Variants in AKT1 observed in about 807,000 individuals in gnomAD.
AKT1 encodes the protein AKT serine/threonine kinase 1.
In AKT1, 21 loss-of-function variants were observed where a neutral mutation model predicts 63.1. The ratio of observed to expected loss-of-function variants is 0.33; its 90% CI spans 0.24 to 0.48. The LOEUF (loss-of-function observed/expected upper bound fraction) is 0.48. Ranked by LOEUF, AKT1 falls within the 20% of genes least tolerant of loss-of-function variation. The probability of loss-of-function intolerance (pLI) is 0.99; values close to 1 mark genes in which losing one functional copy is unlikely to be tolerated. For synonymous variants in AKT1, 257 were observed against 253.1 expected, an observed-to-expected ratio of 1.02 and a Z score of -0.15; for missense variants, 382 against 666.0, an observed-to-expected ratio of 0.57 and a Z score of 4.69.
At chr14:104,791,755 T>C (rs997339395) in intron 3 of AKT1, among the ~76,000 whole-genome samples, 6 of 152,200 alleles carry the variant, frequency 3.9e-5, no homozygotes, top group Non-Finnish European at 8.8e-5. Context: ...GGGGGGCTGC[T>C]GGCATGAGAT....
At chr14:104,778,442 G>C (rs1892852327) in intron 4 of AKT1, 2 of 152,260 alleles carry the variant, frequency 1.3e-5, no homozygotes, top group Admixed American at 1.3e-4. Context: ...ACTCTATCAG[G>C]CTGCCCTGCT....
chr14:104,774,568 A>C (rs1047175589), intron 8 of AKT1: 23 of 286,256 alleles, frequency 8.0e-5, no homozygotes, highest in East Asian at 4.1e-4. Flanking sequence ...CTTCACAGTA[A>C]ATACCTCCTG....
chr14:104,781,700 T>C (rs961699718), intron 3 of AKT1, among the ~76,000 whole-genome samples: 1 of 152,044 alleles, frequency 6.6e-6, no homozygotes, highest in African/African-American at 2.4e-5. Context: ...CCAGGGCTGC[T>C]GGGGGGATGC....
rs35635404 is a variant in AKT1 at position 104,780,344 on chromosome 14, G to A, written c.47-128C>T. ...TGCCTGAGTCCCAGGGGGCAGGCGC[G>A]GTACGGGAGCTGTTTCTTAGGGCCA... On this transcript the variant is annotated intron_variant, in intron 3 of 14. Coordinates refer to ENST00000649815, the MANE Select transcript of AKT1 (RefSeq NM_001382430.1). 0.021 allele frequency: 27,203 copies of A among 1,316,592 alleles called. 674 individuals carry two copies. The highest frequency in any genetic ancestry group is 0.12 in the African/African-American group (8,194 of 67,770). 81.6% of individuals were successfully genotyped at this position (1,316,592 alleles called of 1,614,324 possible).
At position 104,772,967 on chromosome 14, in the gene AKT1, G is replaced by A. The variant is rs1402373492; in HGVS notation, c.1083C>T (p.Ile361=). 1 of 1,614,124 alleles carries A rather than the reference G, an allele frequency of 6.2e-7. No individual in the cohort carries two copies. The highest frequency in any genetic ancestry group is 8.5e-7 in the Non-Finnish European group (1 of 1,180,016). ...NQDHEKLFEL[I]LMEEIRFPRT... is the part of the protein sequence containing the mutation. The stretch of plus-strand genomic sequence containing the variant: ...GCGGGAAGCGGATCTCCTCCATGAG[G>A]ATGAGCTCAAAAAGCTTCTCATGGT... The change falls in exon 12 of 15, where the codon ATC becomes ATT. Residue 361 remains isoleucine (I), a synonymous_variant. Coordinates refer to ENST00000649815, the MANE Select transcript of AKT1 (RefSeq NM_001382430.1).
At chr14:104,774,783 C>G (rs1892612537) in intron 8 of AKT1, 155 bp downstream of exon 8, 1 of 834,700 alleles carries the variant, frequency 1.2e-6, no homozygotes, top group African/African-American at 1.7e-5. Flanking sequence ...CCTCCACAGC[C>G]TGACCCTCCA....
intron 6 of AKT1, 81 bp from the exon 7 acceptor site, chr14:104,775,288 C>A: frequency 6.3e-7 from 1 of 1,592,294 alleles, no homozygotes; most frequent in Non-Finnish European, 8.5e-7. Flanking sequence ...GCATGAGGGG[C>A]CCCAGAGTCG....
chr14:104,778,320 G>C (rs1892845458), intron 4 of AKT1: 1 of 152,228 alleles, frequency 6.6e-6, no homozygotes, highest in South Asian at 2.1e-4. Flanking sequence ...CAACCGAGGA[G>C]ACACTGGGGA....
chr14:104,794,283 CA>C (rs533224900), intron 1 of AKT1: 1 of 152,594 alleles, frequency 6.6e-6, no homozygotes, highest in Non-Finnish European at 1.5e-5. Context: ...GGGCTGGACT[CA>C]AAGACCTCTG....
Position 104,793,602 on chromosome 14 carries a change from C to T in AKT1, c.-257-298G>A, listed in dbSNP as rs1230740999. ...CAGGGTGGTTACAGACCCATAATTACAGCAGTCGGGAGGCAGCAAGTAAGT... is the reference window on the plus strand; with the variant it reads ...CAGGGTGGTTACAGACCCATAATTATAGCAGTCGGGAGGCAGCAAGTAAGT... On this transcript the variant is annotated intron_variant, in intron 1 of 14. Transcript: ENST00000649815. 9 of 173,016 alleles carry T rather than the reference C, an allele frequency of 5.2e-5. No homozygotes were observed. In the East Asian group the frequency reaches 9.2e-4, roughly 18 times the overall value. The allele number at this position is 173,016 out of a possible 1,614,324, so 10.7% of individuals were successfully genotyped here.
chr14:104,772,995 T>C lies in AKT1; in HGVS notation c.1055A>G (p.Gln352Arg). Residue 352 changes from glutamine to arginine, a missense_variant, in exon 12 of 15, where the codon CAG (glutamine) becomes CGG (arginine). This residue lies in a region of AKT1 where 66 missense variants were observed against 179.1 expected (regional missense o/e 0.37). Transcript: ENST00000649815. ...GAGCTCAAAAAGCTTCTCATGGTCC[T>C]GGTTGTAGAAGGGCAGGCGACCGCA... The part of the protein sequence containing the change: ...MMCGRLPFYN[Q>R]DHEKLFELIL... The C allele has an allele frequency of 6.2e-7, 1 of 1,614,114 alleles. No individual in the cohort carries two copies. The highest frequency in any genetic ancestry group is 8.5e-7 in the Non-Finnish European group (1 of 1,180,006).
chr14:104,772,772 ATCAGTG>A, intron 12 of AKT1, 100 bp downstream of exon 12: 2 of 1,219,494 alleles, frequency 1.6e-6, no homozygotes, highest in Non-Finnish European at 2.3e-6. Context: ...AGCTTTGGCT[ATCAGTG>A]TAGTCTGGGA....
chr14:104,787,081 C>A (rs1009646699), intron 3 of AKT1, among the ~76,000 whole-genome samples: 2 of 152,134 alleles, frequency 1.3e-5, no homozygotes, highest in Non-Finnish European at 2.9e-5. Flanking sequence ...AGCCCAAACA[C>A]AGCGCCCCAA....
At chr14:104,774,265 G>A in intron 8 of AKT1, 1 of 492,642 alleles carries the variant, frequency 2.0e-6, no homozygotes, top group Non-Finnish European at 3.7e-6. Context: ...ACTGCCTCAT[G>A]CCACGCCACC....
chr14:104,777,228 A>AGCACACCCACACCTAGG lies in AKT1; in HGVS notation c.176-459_176-458insCCTAGGTGTGGGTGTGC, dbSNP rs1566819254. 1.0e-4 allele frequency: 19 copies of AGCACACCCACACCTAGG among 187,306 alleles called. No homozygotes were observed. In the Admixed American group the frequency reaches 1.2e-3, roughly 12 times the overall value. 11.6% of individuals were successfully genotyped at this position (187,306 alleles called of 1,614,324 possible). ...GTACCTGGGAAATACAGCCACCTGG[A>AGCACACCCACACCTAGG]GCACACCCACACCTGGGGCACACCC... On this transcript the variant is annotated intron_variant, in intron 4 of 14. Transcript: ENST00000649815.
chr14:104,787,524 G>A (rs1000252649), intron 3 of AKT1, among the ~76,000 whole-genome samples: 1 of 152,256 alleles, frequency 6.6e-6, no homozygotes, highest in African/African-American at 2.4e-5. Flanking sequence ...GCCGGGCCGG[G>A]TGTGCCCAGG....
chr14:104,793,373 A>T, intron 1 of AKT1, 69 bp from the exon 2 acceptor site: 1 of 206,748 alleles, frequency 4.8e-6, no homozygotes, highest in East Asian at 7.2e-5. Context: ...CGCAAACGGG[A>T]GTCCAGAGCC....
chr14:104,787,120 G>T (rs1255854338), intron 3 of AKT1, among the ~76,000 whole-genome samples: 3 of 152,152 alleles, frequency 2.0e-5, no homozygotes, highest in African/African-American at 7.2e-5. Context: ...CGCAACATTG[G>T]CAGCAGAGTC....
At chr14:104,770,446 C>A in intron 14 of AKT1, 26 bp from the exon 15 acceptor site, 1 of 1,546,730 alleles carries the variant, frequency 6.5e-7, no homozygotes, top group South Asian at 1.2e-5. Context: ...GCTCAGACCC[C>A]GGTGCCCCAC....
Sources: gnomAD v4.1 joint callset for allele counts (sites outside exome capture counted in the v4.1 genomes callset) on GRCh38, gnomAD v4.1.1 for gene constraint, gnomAD v4.1.1 regional missense constraint, MANE v1.5 for transcripts, NCBI Gene and HGNC (gene_info 2026-07-23, HGNC 2026-07-21) for gene names.